The following ZNF618 variants were observed in gnomAD, a reference collection of about 807,000 sequenced individuals.
ZNF618 encodes the protein zinc finger protein 618.
Under a neutral mutation model 103.0 loss-of-function variants are expected in ZNF618, and 34 were observed. The ratio of observed to expected loss-of-function variants is 0.33; its 90% CI spans 0.25 to 0.44. ZNF618 has a LOEUF of 0.44. ZNF618 is among the 20% of genes least tolerant of loss of function. The probability of loss-of-function intolerance (pLI) is 1.00; values close to 1 mark genes in which losing one functional copy is unlikely to be tolerated. For synonymous variants in ZNF618, 551 were observed against 542.2 expected (o/e 1.02, Z -0.23); for missense variants, 1,059 against 1,295.4 (o/e 0.82, Z 2.80).
rs1237497386 is a variant in ZNF618 at position 114,055,056 on chromosome 9, A to C, written c.*4889A>C. The C allele has an allele frequency of 6.6e-6, 1 of 152,008 alleles. No homozygotes were observed. The highest frequency in any genetic ancestry group is 1.5e-5 in the Non-Finnish European group (1 of 68,014). 9.4% of individuals were successfully genotyped at this position (152,008 alleles called of 1,614,324 possible). On this transcript the variant is annotated 3_prime_UTR_variant, in exon 15 of 15. Coordinates refer to ENST00000374126, the MANE Select transcript of ZNF618 (RefSeq NM_001318042.2). ...ATCACGACCCACGAGGGCCCTGCCC[A>C]ACCGTGCGTCCCATGGGGCACCTTG...
At chr9:113,889,216 T>C (rs1829365051) in intron 1 of ZNF618, among the ~76,000 whole-genome samples, 1 of 152,158 alleles carries the variant, frequency 6.6e-6, no homozygotes, top group African/African-American at 2.4e-5. Context: ...ATATGGTGGC[T>C]GAGGCAGAGT....
rs527736846 is a variant in ZNF618, at chr9:114,034,076, C to T, written c.1168+1348C>T. Among the ~76,000 whole-genome samples the T allele has an allele frequency of 2.0e-5, 3 of 152,274 alleles. No homozygotes were observed. In the South Asian group the frequency reaches 6.2e-4, roughly 32 times the overall value. On this transcript the variant is annotated intron_variant, in intron 12 of 14. Coordinates refer to ENST00000374126, the MANE Select transcript of ZNF618 (RefSeq NM_001318042.2). Reference sequence around the variant, plus strand: ...AGTGGCTTGATGAACACACACAGCCCCGTGGTGGTTGTGAACATTCAGTGA... The same window carrying T: ...AGTGGCTTGATGAACACACACAGCCTCGTGGTGGTTGTGAACATTCAGTGA...
chr9:114,003,776 C>T (rs1199701240), intron 6 of ZNF618, among the ~76,000 whole-genome samples: 1 of 152,118 alleles, frequency 6.6e-6, no homozygotes, highest in African/African-American at 2.4e-5. Context: ...GTTGAACAAG[C>T]TGTGCACTTA....
chr9:113,899,055 C>A (rs921797955), intron 1 of ZNF618, among the ~76,000 whole-genome samples: 1 of 152,142 alleles, frequency 6.6e-6, no homozygotes, highest in African/African-American at 2.4e-5. Context: ...TTTGTCCCCA[C>A]ATCTGTAACA....
At position 113,951,550 on chromosome 9, in the gene ZNF618, T is replaced by A. The variant is rs375923039; in HGVS notation, c.34-17567T>A. On this transcript the variant is annotated intron_variant, in intron 1 of 14. Transcript: ENST00000374126. ...ACATATGTGTGTACATATGTACACA[T>A]ATGTGTGTGTATATGTGTGTGTGTA... Among the ~76,000 whole-genome samples the A allele has an allele frequency of 3.0e-5, 2 of 66,584 alleles. 1 individual carries two copies. Among genetic ancestry groups the A allele is most frequent in the South Asian group, 1.4e-3 (2 of 1,454 alleles). The allele number at this position is 66,584 out of a possible 152,430, so 43.7% of individuals were successfully genotyped here.
chr9:113,969,249 C>G, intron 2 of ZNF618, 89 bp downstream of exon 2: 6 of 1,517,866 alleles, frequency 4.0e-6, no homozygotes, highest in African/African-American at 1.4e-5. Flanking sequence ...CTCATCTTCC[C>G]CCTGGAAGGA....
chr9:113,876,771 C>A (rs1827982654), intron 1 of ZNF618, among the ~76,000 whole-genome samples: 1 of 150,288 alleles, frequency 6.7e-6, no homozygotes, highest in Admixed American at 6.6e-5. Flanking sequence ...CTGCCCCCTC[C>A]CCCCCAAATT....
chr9:114,034,204 C>T (rs1451746166), intron 12 of ZNF618, among the ~76,000 whole-genome samples: 4 of 152,192 alleles, frequency 2.6e-5, no homozygotes, highest in South Asian at 2.1e-4. Flanking sequence ...GACTGCTTTG[C>T]GGAAGGGAAT....
intron 2 of ZNF618, among the ~76,000 whole-genome samples, chr9:113,977,043 G>A (rs1431593719): frequency 6.6e-6 from 1 of 152,172 alleles, no homozygotes; most frequent in African/African-American, 2.4e-5. Context: ...CGTGCGTCCA[G>A]GCAGTGAGCA....
intron 1 of ZNF618, among the ~76,000 whole-genome samples, chr9:113,879,465 G>T (rs1484138392): frequency 1.4e-5 from 2 of 144,506 alleles, no homozygotes; most frequent in African/African-American, 5.2e-5. Context: ...GGTGCATGAT[G>T]GTTCTATTGG....
chr9:113,996,012 G>A (rs1840555881), intron 3 of ZNF618, among the ~76,000 whole-genome samples: 1 of 152,122 alleles, frequency 6.6e-6, no homozygotes, highest in Non-Finnish European at 1.5e-5. Flanking sequence ...TTTAGAAGCT[G>A]ATGATTCTCT....
intron 10 of ZNF618, among the ~76,000 whole-genome samples, chr9:114,019,761 C>G (rs1188228187): frequency 3.9e-5 from 6 of 152,180 alleles, no homozygotes. Context: ...TTGCCAGATA[C>G]ATGTACTGTG....
rs1841168998 is a variant in ZNF618 at position 114,001,232 on chromosome 9, G to A, written c.434-764G>A. Among the ~76,000 whole-genome samples the A allele has an allele frequency of 1.3e-5, 2 of 151,568 alleles. 1 individual carries two copies. Among genetic ancestry groups the A allele is most frequent in the South Asian group, 4.2e-4 (2 of 4,796 alleles). On this transcript the variant is annotated intron_variant, in intron 4 of 14. Coordinates refer to ENST00000374126, the MANE Select transcript of ZNF618 (RefSeq NM_001318042.2). ...CTCTGCAGTGCTCACTAGGAGCTTG[G>A]CCATTTCAGTCTCCCTGCTCCTGGG...
chr9:113,897,728 T>G lies in ZNF618; in HGVS notation c.33+21315T>G, dbSNP rs539933206. Among the ~76,000 whole-genome samples, 48 of 152,338 alleles carry G rather than the reference T, an allele frequency of 3.2e-4. 1 individual carries two copies. In the South Asian group the frequency reaches 9.7e-3, roughly 31 times the overall value. On this transcript the variant is annotated intron_variant, in intron 1 of 14. Transcript: ENST00000374126. ...CCAGCTTTTCCTTTGCATCACTTAC[T>G]CGGTTTTCTGCACTGACAGTTCTGC...
Position 113,967,961 on chromosome 9 carries a change from C to T in ZNF618, c.34-1156C>T, listed in dbSNP as rs575857318. Among the ~76,000 whole-genome samples, 51 of 151,960 alleles carry T rather than the reference C, an allele frequency of 3.4e-4. No homozygotes were observed. In the South Asian group the frequency reaches 9.2e-3, roughly 27 times the overall value. On this transcript the variant is annotated intron_variant, in intron 1 of 14. Transcript: ENST00000374126. ...CAATTCTTTTATTTTTATACATTGCCGATTTGTTTGAATCGAAGTCCGCCA... is the reference window on the plus strand; with the variant it reads ...CAATTCTTTTATTTTTATACATTGCTGATTTGTTTGAATCGAAGTCCGCCA...
chr9:114,042,770 A>G (rs1313872523), intron 13 of ZNF618, among the ~76,000 whole-genome samples: 1 of 152,224 alleles, frequency 6.6e-6, no homozygotes, highest in Non-Finnish European at 1.5e-5. Flanking sequence ...TTGAGGCTGC[A>G]GTGAGCTATG....
chr9:113,985,148 G>A (rs1175353145), intron 2 of ZNF618, among the ~76,000 whole-genome samples: 1 of 152,238 alleles, frequency 6.6e-6, no homozygotes, highest in Admixed American at 6.5e-5. Context: ...TAGGTACCGT[G>A]TTTGTCCCCA....
chr9:113,901,807 G>A (rs1049664901), intron 1 of ZNF618, among the ~76,000 whole-genome samples: 5 of 152,110 alleles, frequency 3.3e-5, no homozygotes, highest in African/African-American at 1.2e-4. Context: ...AATCCTCTGA[G>A]TCTTTTATTC....
At chr9:113,878,951 A>G (rs1828226581) in intron 1 of ZNF618, among the ~76,000 whole-genome samples, 2 of 151,938 alleles carry the variant, frequency 1.3e-5, no homozygotes, top group African/African-American at 4.8e-5. Flanking sequence ...TTATTTTTTT[A>G]GTAACGAAAT....
Sources: gnomAD v4.1 joint callset for allele counts (sites outside exome capture counted in the v4.1 genomes callset) on GRCh38, gnomAD v4.1.1 for gene constraint, MANE v1.5 for transcripts, NCBI Gene and HGNC (gene_info 2026-07-23, HGNC 2026-07-21) for gene names.